The following RBFOX2 variants were observed in gnomAD, a reference collection of about 807,000 sequenced individuals.
RBFOX2 encodes the protein RNA binding fox-1 homolog 2, also known as RNA binding protein fox-1 homolog 2.
Under a neutral mutation model 49.1 loss-of-function variants are expected in RBFOX2, and 10 were observed. The ratio of observed to expected loss-of-function variants is 0.20; its 90% CI spans 0.13 to 0.35. The LOEUF is 0.35. Among genes scored for constraint, RBFOX2 ranks in the 10% least tolerant of loss-of-function variants. The pLI, the probability that RBFOX2 is intolerant of heterozygous loss-of-function variation, is 1.00. For missense variants in RBFOX2, 323 were observed against 486.9 expected (o/e 0.66, Z 3.17); for synonymous variants, 183 against 187.4 (o/e 0.98, Z 0.19).
intron 1 of RBFOX2, among the ~76,000 whole-genome samples, chr22:35,960,581 C>T (rs920546602): frequency 2.6e-5 from 4 of 152,120 alleles, no homozygotes; most frequent in Admixed American, 2.0e-4. Flanking sequence ...ATTCAAAACA[C>T]GGCCACTGCT....
At chr22:35,769,148 G>A (rs1169764979) in intron 4 of RBFOX2, among the ~76,000 whole-genome samples, 1 of 152,066 alleles carries the variant, frequency 6.6e-6, no homozygotes, top group Middle Eastern at 3.2e-3. Flanking sequence ...ATTTATTGAT[G>A]TTTATACCTG....
intron 1 of RBFOX2, among the ~76,000 whole-genome samples, chr22:35,830,246 T>C (rs1277609551): frequency 6.6e-6 from 1 of 152,142 alleles, no homozygotes; most frequent in Non-Finnish European, 1.5e-5. Flanking sequence ...TATAGTCTGA[T>C]GGAAAAACAC....
chr22:35,891,076 T>C (rs1038141241), intron 1 of RBFOX2, among the ~76,000 whole-genome samples: 1 of 152,160 alleles, frequency 6.6e-6, no homozygotes, highest in Non-Finnish European at 1.5e-5. Flanking sequence ...TGTAGACAGA[T>C]TCGAATAGCA....
intron 2 of RBFOX2, among the ~76,000 whole-genome samples, chr22:35,802,721 G>A (rs1023922268): frequency 6.6e-6 from 1 of 152,176 alleles, no homozygotes; most frequent in Non-Finnish European, 1.5e-5. Context: ...GTGGTCTGAA[G>A]AGGGTGCAGT....
intron 1 of RBFOX2, among the ~76,000 whole-genome samples, chr22:35,901,039 T>A (rs536002521): frequency 6.6e-6 from 1 of 152,374 alleles, no homozygotes; most frequent in Non-Finnish European, 1.5e-5. Context: ...ACTCAGAGCA[T>A]ATTATGTGCC....
In RBFOX2 at chr22:35,809,211, T is replaced by A. The variant is rs5755954; in HGVS notation, c.252+569A>T. Among the ~76,000 whole-genome samples the A allele has an allele frequency of 3.7e-4, 56 of 152,268 alleles. 1 individual carries two copies. The East Asian group carries it at 9.5e-3, about 26-fold the overall frequency. ...CCTCTTCAGGTAGGTACTATTATCT[T>A]CATTTTAGAGTGAGCCAAGGGCAGA... is the stretch of plus-strand genomic sequence containing the variant. On this transcript the variant is annotated intron_variant, in intron 2 of 11. Transcript: ENST00000405409.
At chr22:35,799,779 G>C (rs958547887) in intron 2 of RBFOX2, among the ~76,000 whole-genome samples, 12 of 152,018 alleles carry the variant, frequency 7.9e-5, no homozygotes, top group Non-Finnish European at 1.8e-4. Context: ...GGGAGACCCT[G>C]TCTCTACAAA....
At chr22:35,921,403 G>T (rs1431271994) in intron 1 of RBFOX2, among the ~76,000 whole-genome samples, 1 of 152,206 alleles carries the variant, frequency 6.6e-6, no homozygotes, top group Admixed American at 6.5e-5. Flanking sequence ...CTGGGGAAGA[G>T]GCAGAGACCA....
At chr22:35,901,555 G>A (rs2048576241) in intron 1 of RBFOX2, among the ~76,000 whole-genome samples, 1 of 152,150 alleles carries the variant, frequency 6.6e-6, no homozygotes. Context: ...TACTGTACTT[G>A]TGCACTGGCC....
chr22:35,781,614 G>A (rs1248619825), exon 3 of RBFOX2: 9 of 1,613,928 alleles, frequency 5.6e-6, no homozygotes, highest in South Asian at 1.1e-5. Flanking sequence ...AACATCTGCC[G>A]GAGGTCAGGG....
rs577006487 is a variant in RBFOX2, at chr22:35,821,600, T to A, written c.28-11596A>T. 1.6e-4 allele frequency among the ~76,000 whole-genome samples: 7 copies of A among 44,998 alleles called. No homozygotes were observed. The East Asian group carries it at 2.1e-3, about 14-fold the overall frequency. The allele number at this position is 44,998 out of a possible 152,430, so 29.5% of individuals were successfully genotyped here. ...CTGGGGGACAGAGTGAGACTCCGTC[T>A]CCAAAAAAAAAAAAAAAAAAAAAAA... On this transcript the variant is annotated intron_variant, in intron 1 of 11. Transcript: ENST00000405409.
intron 1 of RBFOX2, among the ~76,000 whole-genome samples, chr22:35,811,426 G>A (rs572055024): frequency 6.6e-6 from 1 of 152,122 alleles, no homozygotes; most frequent in Admixed American, 6.5e-5. Flanking sequence ...CACATACAGA[G>A]GGAGGCCCAT....
At chr22:35,959,675 C>T (rs2055984526) in intron 1 of RBFOX2, among the ~76,000 whole-genome samples, 1 of 152,132 alleles carries the variant, frequency 6.6e-6, no homozygotes. Flanking sequence ...AGATTATACT[C>T]AATAGTTCCC....
chr22:35,947,413 C>G (rs2054410021), intron 1 of RBFOX2, among the ~76,000 whole-genome samples: 1 of 151,702 alleles, frequency 6.6e-6, no homozygotes, highest in South Asian at 2.1e-4. Flanking sequence ...TTTACTATAT[C>G]ATACTTTTTT....
At chr22:35,797,333 C>T (rs1948964936) in intron 2 of RBFOX2, among the ~76,000 whole-genome samples, 1 of 152,042 alleles carries the variant, frequency 6.6e-6, no homozygotes, top group Non-Finnish European at 1.5e-5. Flanking sequence ...AAAAATGGTG[C>T]TCCATGAAAA....
intron 1 of RBFOX2, chr22:35,998,234 CACCATCA>C (rs755563204): frequency 3.3e-5 from 5 of 152,126 alleles, no homozygotes; most frequent in Non-Finnish European, 5.9e-5. Flanking sequence ...CCATATTTTA[CACCATCA>C]ACTTACCTTA....
intron 1 of RBFOX2, among the ~76,000 whole-genome samples, chr22:35,899,452 T>C: frequency 6.6e-6 from 1 of 151,774 alleles, no homozygotes; most frequent in Non-Finnish European, 1.5e-5. Flanking sequence ...AATAAAACTC[T>C]TCTGTATGTT....
At chr22:35,806,649 A>G (rs150555934) in intron 2 of RBFOX2, among the ~76,000 whole-genome samples, 1 of 152,354 alleles carries the variant, frequency 6.6e-6, no homozygotes, top group African/African-American at 2.4e-5. Context: ...TAAAGAAGGA[A>G]CAAAGGAACA....
chr22:35,870,916 C>T (rs911203150), intron 1 of RBFOX2, among the ~76,000 whole-genome samples: 1 of 152,126 alleles, frequency 6.6e-6, no homozygotes, highest in African/African-American at 2.4e-5. Flanking sequence ...TTCTGGATTG[C>T]CTCTGTATTA....
Sources: gnomAD v4.1 joint callset for allele counts (sites outside exome capture counted in the v4.1 genomes callset) on GRCh38, gnomAD v4.1.1 for gene constraint, MANE v1.5 for transcripts, NCBI Gene and HGNC (gene_info 2026-07-23, HGNC 2026-07-21) for gene names.